The following TM9SF2 variants were observed in gnomAD, a reference collection of about 807,000 sequenced individuals.
The protein encoded by TM9SF2 is transmembrane 9 superfamily member 2.
Under a neutral mutation model 84.9 loss-of-function variants are expected in TM9SF2, and 13 were observed. The ratio of observed to expected loss-of-function variants is 0.15; its 90% CI spans 0.10 to 0.24. TM9SF2 has a LOEUF of 0.24. TM9SF2 is among the 10% of genes least tolerant of loss of function. The pLI is 1.00. For missense variants in TM9SF2, 562 were observed against 818.5 expected, an observed-to-expected ratio of 0.69 and a Z score of 3.82; for synonymous variants, 273 against 285.8, an observed-to-expected ratio of 0.96 and a Z score of 0.45.
intron 4 of TM9SF2, among the ~76,000 whole-genome samples, chr13:99,530,858 T>C (rs1594052708): frequency 9.6e-6 from 1 of 103,904 alleles, no homozygotes; most frequent in Non-Finnish European, 2.3e-5. Flanking sequence ...TATTCAAACA[T>C]AGAATTTTTT....
rs760636803 is a variant in TM9SF2, at chr13:99,533,458, ATAT to A, written c.462-3146_462-3144del. Among the ~76,000 whole-genome samples, 28 of 152,306 alleles carry A rather than the reference ATAT, an allele frequency of 1.8e-4. No homozygotes were observed. The Middle Eastern group carries it at 0.01, about 56-fold the overall frequency. ...CAACTTGCTCATTTTATTTAAGAAA[ATAT>A]TATGGACTTTTTTCAGGTCAAGTAA... On this transcript the variant is annotated intron_variant, in intron 4 of 16. Transcript: ENST00000376387.
intron 7 of TM9SF2, among the ~76,000 whole-genome samples, chr13:99,540,107 A>C (rs1389596589): frequency 6.6e-6 from 1 of 152,216 alleles, no homozygotes; most frequent in East Asian, 1.9e-4. Flanking sequence ...ATTGTCTTAG[A>C]AAATTGAAGG....
intron 4 of TM9SF2, among the ~76,000 whole-genome samples, chr13:99,530,470 G>A (rs937222123): frequency 1.3e-5 from 2 of 152,110 alleles, no homozygotes; most frequent in African/African-American, 4.8e-5. Context: ...TTTGCTTAAC[G>A]CAAGGATGCC....
chr13:99,515,377 G>A (rs1439050729), intron 1 of TM9SF2, among the ~76,000 whole-genome samples: 2 of 152,182 alleles, frequency 1.3e-5, no homozygotes, highest in African/African-American at 2.4e-5. Flanking sequence ...TCTTCACAAC[G>A]GTTGTATGTA....
At chr13:99,531,802 C>G (rs1296933089) in intron 4 of TM9SF2, among the ~76,000 whole-genome samples, 1 of 152,114 alleles carries the variant, frequency 6.6e-6, no homozygotes, top group Non-Finnish European at 1.5e-5. Flanking sequence ...GCTTGTTTCC[C>G]CTAAACTACC....
At chr13:99,550,350 C>T (rs2046300591) in intron 12 of TM9SF2, among the ~76,000 whole-genome samples, 1 of 152,146 alleles carries the variant, frequency 6.6e-6, no homozygotes. Context: ...CCACGTCATT[C>T]GTATTTTTCT....
intron 1 of TM9SF2, among the ~76,000 whole-genome samples, chr13:99,502,864 G>A (rs1419431271): frequency 6.6e-6 from 1 of 152,042 alleles, no homozygotes; most frequent in East Asian, 1.9e-4. Context: ...CTATAGCTGT[G>A]AATTTTGAGG....
intron 2 of TM9SF2, chr13:99,519,739 AT>A (rs1295649167): frequency 1.0e-5 from 2 of 198,898 alleles, no homozygotes; most frequent in East Asian, 2.3e-4. Flanking sequence ...GATCTAAATA[AT>A]TTTATTATTG....
intron 6 of TM9SF2, among the ~76,000 whole-genome samples, chr13:99,538,612 A>G (rs2046244716): frequency 6.6e-6 from 1 of 152,028 alleles, no homozygotes; most frequent in South Asian, 2.1e-4. Context: ...CCTAGGCAAC[A>G]TAATGAGACC....
In TM9SF2 at chr13:99,563,427, G is replaced by A. The variant is rs1250202568; in HGVS notation, c.*669G>A. On this transcript the variant is annotated 3_prime_UTR_variant, in exon 17 of 17. Coordinates refer to ENST00000376387, the MANE Select transcript of TM9SF2 (RefSeq NM_004800.3). ...CATTACCTATTATATATTCAAGGAG[G>A]TTCTGTAAATACAGATCTATTTACC... 2 of 152,100 alleles carry A rather than the reference G, an allele frequency of 1.3e-5. No individual in the cohort carries two copies. The highest frequency in any genetic ancestry group is 6.5e-5 in the Admixed American group (1 of 15,270). 9.4% of individuals were successfully genotyped at this position (152,100 alleles called of 1,614,324 possible).
intron 9 of TM9SF2, among the ~76,000 whole-genome samples, chr13:99,543,086 C>T (rs2046267795): frequency 6.6e-6 from 1 of 152,198 alleles, no homozygotes; most frequent in Non-Finnish European, 1.5e-5. Context: ...CACCTCAGAG[C>T]CTTCACGAAG....
intron 4 of TM9SF2, among the ~76,000 whole-genome samples, chr13:99,530,729 C>CT (rs575608827): frequency 7.7e-4 from 118 of 152,260 alleles, no homozygotes; most frequent in African/African-American, 2.6e-3. Context: ...TTTGCTTAGC[C>CT]TTTCATTTTG....
intron 16 of TM9SF2, among the ~76,000 whole-genome samples, chr13:99,561,047 A>C (rs1367050083): frequency 1.3e-5 from 2 of 152,184 alleles, no homozygotes; most frequent in Non-Finnish European, 2.9e-5. Flanking sequence ...TGAATTATGG[A>C]GTCATATCAA....
chr13:99,534,550 T>C (rs1407866505), intron 4 of TM9SF2, among the ~76,000 whole-genome samples: 2 of 152,276 alleles, frequency 1.3e-5, no homozygotes, highest in Non-Finnish European at 2.9e-5. Context: ...TGTAATTTTC[T>C]GAGTGCATTG....
Position 99,559,691 on chromosome 13 carries a change from G to A in TM9SF2, c.1924+157G>A, listed in dbSNP as rs369277012. On this transcript the variant is annotated intron_variant, in intron 16 of 16. Coordinates refer to ENST00000376387, the MANE Select transcript of TM9SF2 (RefSeq NM_004800.3). ...TAGGCATAGTTGGGTCTGCCCACCT[G>A]TGAGTTGCATAAAGATGATGAAACA... Among the ~76,000 whole-genome samples, 8 of 152,192 alleles carry A rather than the reference G, an allele frequency of 5.3e-5. No homozygotes were observed. In the East Asian group the frequency reaches 7.7e-4, roughly 15 times the overall value.
In TM9SF2 at chr13:99,552,280, C is replaced by T; in HGVS notation, c.1442C>T (p.Ser481Phe). ...ATATTGGCCCTTTGGTTCTGCATAT[C>T]TGTGCCTCTGACGTTTATTGGTGCA... ...VAILALWFCI[S>F]VPLTFIGAYF... Residue 481 changes from serine to phenylalanine, a missense_variant, in exon 13 of 17, where the codon TCT becomes TTT. By Grantham distance (155) the Ser-to-Phe change is radical. Coordinates refer to ENST00000376387, the MANE Select transcript of TM9SF2 (RefSeq NM_004800.3). 3 of 1,614,092 alleles carry T rather than the reference C, an allele frequency of 1.9e-6. No homozygotes were observed. The highest frequency in any genetic ancestry group is 2.5e-6 in the Non-Finnish European group (3 of 1,179,990).
In TM9SF2 at chr13:99,549,184, G is replaced by T; in HGVS notation, c.1290G>T (p.Trp430Cys). ...RFYKSFGGEK[W>C]KTNVLLTSFL... ...CTATAGCCTTTGGAGGTGAGAAGTG[G>T]AAAACAAATGTTTTATTAACATCAT... The change falls in exon 12 of 17, where the codon TGG becomes TGT. Residue 430 changes from tryptophan to cysteine, a missense_variant. This residue lies in a region of TM9SF2 where 219 missense variants were observed against 338.1 expected (regional missense o/e 0.65). Transcript: ENST00000376387. 1 of 1,613,248 alleles carries T rather than the reference G, an allele frequency of 6.2e-7. No homozygotes were observed. Among genetic ancestry groups the T allele is most frequent in the South Asian group, 1.1e-5 (1 of 90,956 alleles).
rs750408891 is a variant in TM9SF2 at position 99,536,756 on chromosome 13, CTT to C, written c.591+21_591+22del. ...TATTAGTGTAAGTTCATGATAAACT[CTT>C]TGCTGCTTTTTAAAACATGGCTTTT... On this transcript the variant is annotated intron_variant, in intron 5 of 16. Coordinates refer to ENST00000376387, the MANE Select transcript of TM9SF2 (RefSeq NM_004800.3). The C allele has an allele frequency of 1.2e-6, 2 of 1,608,538 alleles. No homozygotes were observed. The highest frequency in any genetic ancestry group is 1.7e-6 in the Non-Finnish European group (2 of 1,177,140).
intron 4 of TM9SF2, among the ~76,000 whole-genome samples, chr13:99,530,416 T>C (rs999472811): frequency 6.6e-6 from 1 of 152,076 alleles, no homozygotes; most frequent in East Asian, 1.9e-4. Flanking sequence ...AGAGCAAGAC[T>C]CTGTCTCAAA....
Sources: allele counts gnomAD v4.1 joint callset (sites outside exome capture counted in the v4.1 genomes callset), GRCh38; gene constraint gnomAD v4.1.1; regional missense constraint gnomAD v4.1.1; transcripts MANE v1.5; gene names NCBI Gene and HGNC (gene_info 2026-07-23, HGNC 2026-07-21).